The following SUSD6 variants were observed in gnomAD, a reference collection of about 807,000 sequenced individuals.
SUSD6 encodes sushi domain-containing protein 6.
A neutral mutation model predicts 28.4 loss-of-function variants in SUSD6; 16 were observed. The observed-to-expected ratio is 0.56, with a 90% CI of 0.38 to 0.86. The LOEUF (loss-of-function observed/expected upper bound fraction) is 0.86, where lower values mean the gene tolerates loss of function less well. Ranked by LOEUF, SUSD6 falls within the 40% of genes least tolerant of loss-of-function variation. SUSD6 has a pLI of 0.00. For synonymous variants in SUSD6, 147 were observed against 159.6 expected (o/e 0.92, Z 0.59); for missense variants, 341 against 384.2 (o/e 0.89, Z 0.94).
intron 2 of SUSD6, among the ~76,000 whole-genome samples, chr14:69,691,686 A>G (rs1566605073): frequency 1.3e-5 from 2 of 152,188 alleles, no homozygotes; most frequent in African/African-American, 4.8e-5. Flanking sequence ...CTCTAATTCC[A>G]GGTCACATCC....
intron 1 of SUSD6, among the ~76,000 whole-genome samples, chr14:69,648,319 C>T (rs952335675): frequency 4.6e-5 from 7 of 152,178 alleles, no homozygotes; most frequent in African/African-American, 1.7e-4. Context: ...AGAGATGAAG[C>T]AGCCTCCTTG....
rs1465286205 is a variant in SUSD6 at position 69,711,026 on chromosome 14, C to T, written c.*47C>T. The stretch of plus-strand genomic sequence containing the variant: ...CTCTGCGAGGTTCTCTCAGCCCTTC[C>T]TCCCTCTCCCTGTGGGATTGAGCAC... On this transcript the variant is annotated 3_prime_UTR_variant, in exon 6 of 6. Transcript: ENST00000342745. 14 of 1,600,496 alleles carry T rather than the reference C, an allele frequency of 8.7e-6. No individual in the cohort carries two copies. Among genetic ancestry groups the T allele is most frequent in the Non-Finnish European group, 1.2e-5 (14 of 1,167,674 alleles).
At chr14:69,677,900 C>T (rs191148401) in intron 2 of SUSD6, among the ~76,000 whole-genome samples, 1 of 152,212 alleles carries the variant, frequency 6.6e-6, no homozygotes, top group East Asian at 1.9e-4. Flanking sequence ...TAATGTGTTC[C>T]ACTGTAAACT....
At chr14:69,612,131 C>G (rs1252795748) in intron 1 of SUSD6, among the ~76,000 whole-genome samples, 1 of 151,874 alleles carries the variant, frequency 6.6e-6, no homozygotes, top group Non-Finnish European at 1.5e-5. Flanking sequence ...CGGTCCGGGG[C>G]GCGCCGTCCC....
chr14:69,671,765 C>T lies in SUSD6; in HGVS notation c.121+13052C>T, dbSNP rs914054245. On this transcript the variant is annotated intron_variant, in intron 2 of 5. Coordinates refer to ENST00000342745, the MANE Select transcript of SUSD6 (RefSeq NM_014734.4). Reference sequence around the variant, plus strand: ...GGGTGCAGAGAACTATTGTGACTTCCAGCAGAGATGTGTCTCAGGTTTCTT... The same window carrying T: ...GGGTGCAGAGAACTATTGTGACTTCTAGCAGAGATGTGTCTCAGGTTTCTT... Among the ~76,000 whole-genome samples, 10 of 152,124 alleles carry T rather than the reference C, an allele frequency of 6.6e-5. No individual in the cohort carries two copies. In the East Asian group the frequency reaches 1.9e-3, roughly 29 times the overall value.
intron 1 of SUSD6, among the ~76,000 whole-genome samples, chr14:69,636,157 T>C (rs1323081129): frequency 6.6e-6 from 1 of 152,182 alleles, no homozygotes; most frequent in Non-Finnish European, 1.5e-5. Context: ...AGGGTTACAC[T>C]CAAAGCTAAT....
intron 2 of SUSD6, among the ~76,000 whole-genome samples, chr14:69,664,888 T>C (rs1258727691): frequency 6.6e-6 from 1 of 152,224 alleles, no homozygotes; most frequent in African/African-American, 2.4e-5. Flanking sequence ...CAGTCTTCAA[T>C]GATTCTAGGT....
chr14:69,704,805 CTT>C (rs1886364687), intron 4 of SUSD6, 63 bp downstream of exon 4: 1 of 1,564,390 alleles, frequency 6.4e-7, no homozygotes, highest in Non-Finnish European at 8.7e-7. Flanking sequence ...GGGGGCCAGT[CTT>C]TGGTGGAGGG....
intron 2 of SUSD6, among the ~76,000 whole-genome samples, chr14:69,663,977 CTT>C (rs560318014): frequency 1.7e-4 from 24 of 140,106 alleles, no homozygotes; most frequent in Middle Eastern, 3.8e-3. Context: ...ATGGTTGTTT[CTT>C]TTTTTTTTTT....
rs902365219 is a variant in SUSD6 at position 69,713,949 on chromosome 14, A to C, written c.*2970A>C. ...CAAGGGCCAGAATATGGTGAAAATCACTTAAAATATCCGTCCCTTCCATGC... is the reference window on the plus strand; with the variant it reads ...CAAGGGCCAGAATATGGTGAAAATCCCTTAAAATATCCGTCCCTTCCATGC... On this transcript the variant is annotated 3_prime_UTR_variant, in exon 6 of 6. Coordinates refer to ENST00000342745, the MANE Select transcript of SUSD6 (RefSeq NM_014734.4). 1 of 150,810 alleles carries C rather than the reference A, an allele frequency of 6.6e-6. No individual in the cohort carries two copies. The highest frequency in any genetic ancestry group is 1.5e-5 in the Non-Finnish European group (1 of 67,898). 9.3% of individuals were successfully genotyped at this position (150,810 alleles called of 1,614,324 possible).
intron 2 of SUSD6, among the ~76,000 whole-genome samples, chr14:69,664,433 C>T (rs1305526924): frequency 1.3e-5 from 2 of 152,082 alleles, no homozygotes; most frequent in Non-Finnish European, 2.9e-5. Flanking sequence ...CCAAAACATC[C>T]GCAAAGCATC....
At chr14:69,652,465 T>C (rs1885518814) in intron 1 of SUSD6, among the ~76,000 whole-genome samples, 1 of 151,932 alleles carries the variant, frequency 6.6e-6, no homozygotes, top group Non-Finnish European at 1.5e-5. Flanking sequence ...AAAAAATAAA[T>C]AAATAAATAA....
chr14:69,632,460 G>T (rs1295457234), intron 1 of SUSD6, among the ~76,000 whole-genome samples: 2 of 151,978 alleles, frequency 1.3e-5, no homozygotes, highest in Non-Finnish European at 2.9e-5. Flanking sequence ...CTTTTAAAAT[G>T]TAATGCTTCC....
At chr14:69,635,359 G>C (rs1407097947) in intron 1 of SUSD6, among the ~76,000 whole-genome samples, 1 of 152,146 alleles carries the variant, frequency 6.6e-6, no homozygotes, top group African/African-American at 2.4e-5. Flanking sequence ...TAGTTCCTCT[G>C]GAACTCATAG....
chr14:69,637,651 C>T (rs560358725), intron 1 of SUSD6, among the ~76,000 whole-genome samples: 2 of 152,308 alleles, frequency 1.3e-5, no homozygotes, highest in Admixed American at 6.5e-5. Context: ...CCCCAGGACA[C>T]TCTTGCAAGA....
chr14:69,614,314 G>A (rs1010968240), intron 1 of SUSD6, among the ~76,000 whole-genome samples: 4 of 152,172 alleles, frequency 2.6e-5, no homozygotes, highest in African/African-American at 9.7e-5. Flanking sequence ...TGATCTGCCC[G>A]TCTTGGCCTC....
At chr14:69,677,096 G>A (rs574203428) in intron 2 of SUSD6, among the ~76,000 whole-genome samples, 6 of 152,328 alleles carry the variant, frequency 3.9e-5, no homozygotes, top group African/African-American at 1.4e-4. Flanking sequence ...AACCAAGGAG[G>A]AATGGGGACA....
chr14:69,636,787 AC>A lies in SUSD6; in HGVS notation c.-80-21725del, dbSNP rs139931388. Among the ~76,000 whole-genome samples, 262 of 152,304 alleles carry A rather than the reference AC, an allele frequency of 1.7e-3. 1 individual carries two copies. Among genetic ancestry groups the A allele is most frequent in the African/African-American group, 5.9e-3 (245 of 41,566 alleles). On this transcript the variant is annotated intron_variant, in intron 1 of 5. Coordinates refer to ENST00000342745, the MANE Select transcript of SUSD6 (RefSeq NM_014734.4). The stretch of plus-strand genomic sequence containing the variant: ...CAGAACAGACCTAGCCTAGTGGAGA[AC>A]AGTTCTGGGCCTGGCTCTGTGTCCA...
At chr14:69,696,760 C>T (rs935622533) in intron 2 of SUSD6, among the ~76,000 whole-genome samples, 7 of 152,160 alleles carry the variant, frequency 4.6e-5, no homozygotes, top group South Asian at 2.1e-4. Context: ...TGACTGAGAA[C>T]TTGAAATGTG....
Sources: allele counts gnomAD v4.1 joint callset (sites outside exome capture counted in the v4.1 genomes callset), GRCh38; gene constraint gnomAD v4.1.1; transcripts MANE v1.5; gene names NCBI Gene and HGNC (gene_info 2026-07-23, HGNC 2026-07-21).